IBTK: variants seen among roughly 807,000 people sequenced by gnomAD.
IBTK encodes BTK-binding protein.
Under a neutral mutation model 154.9 loss-of-function variants are expected in IBTK, and 83 were observed. That is an observed-to-expected ratio of 0.54 (90% CI 0.45 to 0.64). The LOEUF (loss-of-function observed/expected upper bound fraction) is 0.64, where lower values mean the gene tolerates loss of function less well. IBTK is among the 30% of genes least tolerant of loss of function. The probability of loss-of-function intolerance (pLI) is 0.00; values close to 1 mark genes in which losing one functional copy is unlikely to be tolerated. For missense variants in IBTK, 1,332 were observed against 1,584.6 expected, an observed-to-expected ratio of 0.84 and a Z score of 2.71; for synonymous variants, 515 against 536.1, an observed-to-expected ratio of 0.96 and a Z score of 0.54.
At chr6:82,235,323 C>A (rs1343929033) in intron 2 of IBTK, among the ~76,000 whole-genome samples, 2 of 152,078 alleles carry the variant, frequency 1.3e-5, no homozygotes, top group Admixed American at 1.3e-4. Context: ...CTGCCGGGCG[C>A]AGTGGCTCAT....
chr6:82,199,484 A>C (rs1221131363), intron 21 of IBTK, among the ~76,000 whole-genome samples: 1 of 152,244 alleles, frequency 6.6e-6, no homozygotes. Flanking sequence ...ACAGGCTCAC[A>C]TAATGCCTAA....
rs57358110 is a variant in IBTK at position 82,220,937 on chromosome 6, T to TACACACACACACACAC, written c.1125-240_1125-225dup. On this transcript the variant is annotated intron_variant, in intron 8 of 28. Transcript: ENST00000306270. ...TCTTTTTCTCTTAAATGACTTTACC[T>TACACACACACACACAC]ACACACACACACACACACACACACA... is the stretch of plus-strand genomic sequence containing the variant. 8.7e-3 allele frequency among the ~76,000 whole-genome samples: 1,127 copies of TACACACACACACACAC among 130,132 alleles called. 10 individuals carry two copies. Among genetic ancestry groups the TACACACACACACACAC allele is most frequent in the Admixed American group, 0.012 (145 of 12,464 alleles). The allele number at this position is 130,132 out of a possible 152,430, so 85.4% of individuals were successfully genotyped here.
chr6:82,186,487 A>G (rs1768560935), intron 25 of IBTK, among the ~76,000 whole-genome samples: 1 of 152,136 alleles, frequency 6.6e-6, no homozygotes, highest in African/African-American at 2.4e-5. Context: ...ATATTATGCT[A>G]TTGCACACTT....
At position 82,231,704 on chromosome 6, in the gene IBTK, T is replaced by C. The variant is rs561852840; in HGVS notation, c.543+14A>G. 3 of 1,586,180 alleles carry C rather than the reference T, an allele frequency of 1.9e-6. No individual in the cohort carries two copies. The highest frequency in any genetic ancestry group is 4.5e-5 in the East Asian group (2 of 44,454). On this transcript the variant is annotated intron_variant, in intron 4 of 28. Coordinates refer to ENST00000306270, the MANE Select transcript of IBTK (RefSeq NM_015525.4). ...CTCATCTCTAAAAGTATATAGATTG[T>C]ACTTCAAAAATACCTGCTTGATATA...
At chr6:82,221,933 G>T (rs748359409) in intron 8 of IBTK, among the ~76,000 whole-genome samples, 7 of 152,160 alleles carry the variant, frequency 4.6e-5, no homozygotes, top group Non-Finnish European at 8.8e-5. Flanking sequence ...GGGAGGCCAA[G>T]GTGGGCGAAT....
intron 25 of IBTK, among the ~76,000 whole-genome samples, chr6:82,189,762 T>C (rs1281191555): frequency 6.6e-6 from 1 of 152,224 alleles, no homozygotes; most frequent in Non-Finnish European, 1.5e-5. Flanking sequence ...AGGAAAATGA[T>C]TGATGGCATG....
intron 21 of IBTK, among the ~76,000 whole-genome samples, chr6:82,199,202 C>A (rs1234177934): frequency 6.6e-6 from 1 of 151,818 alleles, no homozygotes; most frequent in Non-Finnish European, 1.5e-5. Flanking sequence ...ACAACTTATT[C>A]CAAGTGGAAC....
At chr6:82,215,723 G>T (rs1769843355) in intron 11 of IBTK, among the ~76,000 whole-genome samples, 1 of 138,412 alleles carries the variant, frequency 7.2e-6, no homozygotes, top group African/African-American at 2.7e-5. Context: ...GGAGGTGGAG[G>T]TTAGAGTGAG....
At position 82,243,724 on chromosome 6, in the gene IBTK, A is replaced by G. The variant is rs151217945; in HGVS notation, c.-357-2881T>C. On this transcript the variant is annotated intron_variant, in intron 1 of 28. Transcript: ENST00000306270. ...ATGTGGCAAAATAGTTCATCCAGTT[A>G]ATTTCATTCTTTTAAAGCTCTAAAA... is the stretch of plus-strand genomic sequence containing the variant. Among the ~76,000 whole-genome samples, 215 of 152,280 alleles carry G rather than the reference A, an allele frequency of 1.4e-3. 2 individuals are homozygous for G. Among genetic ancestry groups the G allele is most frequent in the African/African-American group, 4.7e-3 (194 of 41,560 alleles).
At chr6:82,229,343 T>C (rs1770416091) in intron 4 of IBTK, among the ~76,000 whole-genome samples, 1 of 152,172 alleles carries the variant, frequency 6.6e-6, no homozygotes, top group Non-Finnish European at 1.5e-5. Flanking sequence ...CCAAACTATA[T>C]ATTTCTTTGG....
intron 23 of IBTK, 50 bp downstream of exon 23, chr6:82,194,429 T>A (rs1031575166): frequency 8.5e-7 from 1 of 1,179,720 alleles, no homozygotes; most frequent in African/African-American, 1.6e-5. Context: ...GCATTAAAAA[T>A]GAATGACATT....
At chr6:82,202,843 G>T (rs1020035403) in intron 17 of IBTK, among the ~76,000 whole-genome samples, 198 bp from the exon 18 acceptor site, 2 of 152,072 alleles carry the variant, frequency 1.3e-5, no homozygotes, top group Non-Finnish European at 1.5e-5. Flanking sequence ...CAAAAGATTG[G>T]CTATGAGGAA....
chr6:82,246,978 T>C (rs1771172606), intron 1 of IBTK, among the ~76,000 whole-genome samples: 1 of 152,196 alleles, frequency 6.6e-6, no homozygotes, highest in Non-Finnish European at 1.5e-5. Context: ...TGTTACCTAA[T>C]TCGCAGCTGA....
chr6:82,173,855 C>A (rs1768020463), intron 26 of IBTK, among the ~76,000 whole-genome samples: 1 of 151,876 alleles, frequency 6.6e-6, no homozygotes, highest in Non-Finnish European at 1.5e-5. Flanking sequence ...TACAAAATGA[C>A]ATATAAAATA....
At chr6:82,205,189 C>A (rs1029564228) in intron 16 of IBTK, 5 of 291,834 alleles carry the variant, frequency 1.7e-5, no homozygotes, top group Non-Finnish European at 3.1e-5. Context: ...AGAAAGCTGA[C>A]AAAATTACAC....
chr6:82,244,771 A>G (rs1234614292), intron 1 of IBTK, among the ~76,000 whole-genome samples: 6 of 152,204 alleles, frequency 3.9e-5, no homozygotes, highest in African/African-American at 1.4e-4. Flanking sequence ...TTAAAGACCT[A>G]ATACATACGG....
chr6:82,190,472 C>G (rs1366110288), intron 25 of IBTK, among the ~76,000 whole-genome samples: 1 of 152,154 alleles, frequency 6.6e-6, no homozygotes, highest in Admixed American at 6.6e-5. Context: ...AGCTGGAGTA[C>G]AACCTATTTT....
rs771377284 is a variant in IBTK, at chr6:82,204,872, C to T, written c.2596G>A (p.Ala866Thr). ...AATTACTCACGTTTTTCAGTTAATG[C>T]TACTTCACAAATCTCTTTCAACCGG... ...ITRLKEICEV[A>T]LTEKLTLKNA... The change falls in exon 17 of 29, where the codon GCA becomes ACA. Residue 866 changes from alanine (A) to threonine (T), a missense_variant. Around this residue, in one of 3 missense-constraint regions of IBTK, gnomAD observed 1,134 missense variants for 1,274.7 expected, o/e 0.89. Transcript: ENST00000306270. 1 of 1,597,754 alleles carries T rather than the reference C, an allele frequency of 6.3e-7. No individual in the cohort carries two copies. The highest frequency in any genetic ancestry group is 1.3e-5 in the African/African-American group (1 of 74,492).
At chr6:82,212,905 A>T in intron 12 of IBTK, 112 bp from the exon 13 acceptor site, 1 of 639,798 alleles carries the variant, frequency 1.6e-6, no homozygotes, top group Non-Finnish European at 2.7e-6. Flanking sequence ...ATCCTAGAAA[A>T]GTATCTCAAC....
Sources: allele counts gnomAD v4.1 joint callset (sites outside exome capture counted in the v4.1 genomes callset), GRCh38; gene constraint gnomAD v4.1.1; regional missense constraint gnomAD v4.1.1; transcripts MANE v1.5; gene names NCBI Gene and HGNC (gene_info 2026-07-23, HGNC 2026-07-21).